The following ATP2A3 variants were observed in gnomAD, a reference collection of about 807,000 sequenced individuals.
The protein encoded by ATP2A3 is sarcoplasmic/endoplasmic reticulum calcium ATPase 3.
ATP2A3 carries 61 observed loss-of-function variants against 106.8 expected under a neutral mutation model. That is an observed-to-expected ratio of 0.57 (90% CI 0.46 to 0.71). The LOEUF (loss-of-function observed/expected upper bound fraction) is 0.71. ATP2A3 is among the 30% of genes least tolerant of loss of function. The pLI is 0.00. For missense variants in ATP2A3, 1,201 were observed against 1,423.5 expected, an observed-to-expected ratio of 0.84 and a Z score of 2.52; for synonymous variants, 611 against 609.3, an observed-to-expected ratio of 1.00 and a Z score of -0.04.
intron 20 of ATP2A3, chr17:3,927,064 T>C (rs2052750025): frequency 1.0e-6 from 1 of 985,460 alleles, no homozygotes; most frequent in Non-Finnish European, 1.2e-6. Flanking sequence ...CACCCAGCCC[T>C]GTTCCACCAG....
intron 7 of ATP2A3, among the ~76,000 whole-genome samples, chr17:3,949,658 T>C (rs1193878036): frequency 6.6e-6 from 1 of 152,240 alleles, no homozygotes; most frequent in Non-Finnish European, 1.5e-5. Context: ...CTTGTTTCTT[T>C]CCTTGCTGGA....
chr17:3,942,601 C>T lies in ATP2A3; in HGVS notation c.1545+5G>A. On this transcript the variant is annotated splice_donor_5th_base_variant and intron_variant, in intron 12 of 20. Coordinates refer to ENST00000397041, the MANE Select transcript of ATP2A3 (RefSeq NM_005173.4). Reference sequence around the variant, plus strand: ...GGGGCCCAGGCCAGCCAGGCAGGCCCCCACCTTCACAAACATCTTGCTGCC... The same window carrying T: ...GGGGCCCAGGCCAGCCAGGCAGGCCTCCACCTTCACAAACATCTTGCTGCC... 2 of 1,609,784 alleles carry T rather than the reference C, an allele frequency of 1.2e-6. No individual in the cohort carries two copies. Among genetic ancestry groups the T allele is most frequent in the Non-Finnish European group, 1.7e-6 (2 of 1,179,680 alleles).
chr17:3,945,485 T>C (rs2054062763), intron 8 of ATP2A3: 1 of 231,014 alleles, frequency 4.3e-6, no homozygotes, highest in South Asian at 1.0e-4. Flanking sequence ...CACTGTGCGA[T>C]CCCTGGCCAA....
chr17:3,944,937 C>CA, intron 9 of ATP2A3, 123 bp downstream of exon 9: 8 of 1,336,032 alleles, frequency 6.0e-6, no homozygotes, highest in Non-Finnish European at 6.9e-6. Context: ...CTCCTGGCCC[C>CA]GCCCCGGGAG....
At chr17:3,951,861 C>T (rs754898422) in intron 3 of ATP2A3, among the ~76,000 whole-genome samples, 176 bp from the exon 4 acceptor site, 79 of 152,338 alleles carry the variant, frequency 5.2e-4, no homozygotes, top group Non-Finnish European at 8.5e-4. Flanking sequence ...GTGCCCACCC[C>T]ACAGGAGTGA....
rs759760922 is a variant in ATP2A3, at chr17:3,930,445, C to A, written c.2611-11G>T. 5 of 1,613,592 alleles carry A rather than the reference C, an allele frequency of 3.1e-6. No homozygotes were observed. Among genetic ancestry groups the A allele is most frequent in the Non-Finnish European group, 4.2e-6 (5 of 1,179,976 alleles). On this transcript the variant is annotated splice_polypyrimidine_tract_variant and intron_variant, in intron 17 of 20. Transcript: ENST00000397041. The surrounding 1 kb of genome is among the most constrained non-coding windows in gnomAD (Gnocchi z 5.4). ...CTTCAGGAAGTTCCTCTGGGGGCAC[C>A]GTGGCAGGTCAGAGAGAGCGGCAGG...
At position 3,951,331 on chromosome 17, in the gene ATP2A3, T is replaced by C. The variant is rs956912843; in HGVS notation, c.383A>G (p.Lys128Arg). 1 of 1,613,812 alleles carries C rather than the reference T, an allele frequency of 6.2e-7. No individual in the cohort carries two copies. Among genetic ancestry groups the C allele is most frequent in the African/African-American group, 1.3e-5 (1 of 75,044 alleles). The change falls in exon 5 of 21, where the codon AAG (lysine) becomes AGG (arginine). Residue 128 changes from lysine to arginine, a missense_variant. Physicochemically the swap from Lys to Arg is conservative, Grantham distance 26. Transcript: ENST00000397041. ...GCCCTTGCGGTCCGAGCGGATCACC[T>C]TGCCCATCTCAGGCTCATACTCCTT... The part of the protein sequence containing the change: ...ALKEYEPEMG[K>R]VIRSDRKGVQ...
intron 17 of ATP2A3, among the ~76,000 whole-genome samples, chr17:3,931,666 C>T (rs538434425): frequency 3.3e-5 from 5 of 152,070 alleles, no homozygotes; most frequent in South Asian, 2.1e-4. Context: ...GGACTACAGG[C>T]GCCCGCCACC....
chr17:3,943,197 G>A (rs574669026), intron 11 of ATP2A3, among the ~76,000 whole-genome samples, 194 bp downstream of exon 11: 5 of 152,066 alleles, frequency 3.3e-5, no homozygotes, highest in South Asian at 2.1e-4. Flanking sequence ...ACTTGAACCC[G>A]GGAGGCAGAG....
At position 3,930,777 on chromosome 17, in the gene ATP2A3, C is replaced by A. The variant is rs961599155; in HGVS notation, c.2611-343G>T. ...GGAAATGCATGTGAAAATCAACCAACAAAACCATGCGGGAGTGGAATTCAC... is the reference window on the plus strand; with the variant it reads ...GGAAATGCATGTGAAAATCAACCAAAAAAACCATGCGGGAGTGGAATTCAC... On this transcript the variant is annotated intron_variant, in intron 17 of 20. Coordinates refer to ENST00000397041, the MANE Select transcript of ATP2A3 (RefSeq NM_005173.4). The surrounding 1 kb of genome is among the most constrained non-coding windows in gnomAD (Gnocchi z 5.4). The A allele has an allele frequency of 7.2e-6, 3 of 414,550 alleles. No individual in the cohort carries two copies. Among genetic ancestry groups the A allele is most frequent in the Non-Finnish European group, 1.4e-5 (3 of 218,258 alleles). The allele number at this position is 414,550 out of a possible 1,614,324, so 25.7% of individuals were successfully genotyped here.
chr17:3,947,483 T>G lies in ATP2A3; in HGVS notation c.1003A>C (p.Ser335Arg), dbSNP rs767488216. 3.7e-6 allele frequency: 6 copies of G among 1,613,712 alleles called. No homozygotes were observed. Among genetic ancestry groups the G allele is most frequent in the African/African-American group, 1.3e-5 (1 of 75,066 alleles). The change falls in exon 8 of 21, where the codon AGC becomes CGC. Residue 335 changes from serine to arginine, a missense_variant. By Grantham distance (110) the Ser-to-Arg change is moderately radical. This residue lies in a region of ATP2A3 where 935 missense variants were observed against 1,176.7 expected (regional missense o/e 0.79). Transcript: ENST00000397041. The surrounding 1 kb of genome is among the most constrained non-coding windows in gnomAD (Gnocchi z 7.7). ...CCCAGGGTCTCCACGGACGGCAGGC[T>G]TCGCACGATGGCGTTCTTGCGTGCC... ...RMARKNAIVR[S>R]LPSVETLGCT...
At chr17:3,958,849 A>ATACACAC (rs2054965787) in intron 1 of ATP2A3, among the ~76,000 whole-genome samples, 1 of 84,238 alleles carries the variant, frequency 1.2e-5, no homozygotes, top group African/African-American at 5.6e-5. Flanking sequence ...CACATATATA[A>ATACACAC]ATATATATAT....
At chr17:3,964,079 GCCC>G in intron 1 of ATP2A3, 92 bp downstream of exon 1, 1 of 676,634 alleles carries the variant, frequency 1.5e-6, no homozygotes, top group East Asian at 8.3e-5. Flanking sequence ...CTCGCTTCCT[GCCC>G]GCCCAGAGCC....
chr17:3,957,132 A>G (rs1311543446), intron 1 of ATP2A3, among the ~76,000 whole-genome samples: 1 of 152,258 alleles, frequency 6.6e-6, no homozygotes, highest in Non-Finnish European at 1.5e-5. Context: ...TAGCAGCAGC[A>G]GCTGGTGGTG....
At position 3,925,445 on chromosome 17, in the gene ATP2A3, GA is replaced by G. The variant is rs1567670863; in HGVS notation, c.2981-5del. ...GCTCACTTCTGGCTCATTTCTTCTGGAAGAAAAACCCAAGAGCGCGTTAAGA... is the reference window on the plus strand; with the variant it reads ...GCTCACTTCTGGCTCATTTCTTCTGGAGAAAAACCCAAGAGCGCGTTAAGA... On this transcript the variant is annotated splice_polypyrimidine_tract_variant and splice_region_variant and intron_variant, in intron 20 of 20. Coordinates refer to ENST00000397041, the MANE Select transcript of ATP2A3 (RefSeq NM_005173.4). This position sits in a 1 kb window ranked among gnomAD's most constrained non-coding sequence, Gnocchi z 4.2. 6.2e-7 allele frequency: 1 copy of G among 1,613,252 alleles called. No homozygotes were observed. Among genetic ancestry groups the G allele is most frequent in the South Asian group, 1.1e-5 (1 of 90,974 alleles).
intron 14 of ATP2A3, among the ~76,000 whole-genome samples, chr17:3,938,977 G>A (rs947942701): frequency 3.9e-5 from 6 of 152,104 alleles, no homozygotes; most frequent in Non-Finnish European, 4.4e-5. Context: ...GACTAGCCTG[G>A]GCAACATAGG....
Position 3,953,491 on chromosome 17 carries a change from G to A in ATP2A3, c.137-62C>T, listed in dbSNP as rs1294764856. On this transcript the variant is annotated intron_variant, in intron 2 of 20. Coordinates refer to ENST00000397041, the MANE Select transcript of ATP2A3 (RefSeq NM_005173.4). The surrounding 1 kb of genome is among the most constrained non-coding windows in gnomAD (Gnocchi z 5.1). ...CCACTGACCCTGCCCACTCAGAGCTGGGATGGCCCGGGAGACCTCCCGGCC... is the reference window on the plus strand; with the variant it reads ...CCACTGACCCTGCCCACTCAGAGCTAGGATGGCCCGGGAGACCTCCCGGCC... 3 of 1,578,316 alleles carry A rather than the reference G, an allele frequency of 1.9e-6. No individual in the cohort carries two copies. The highest frequency in any genetic ancestry group is 2.6e-6 in the Non-Finnish European group (3 of 1,148,774).
chr17:3,934,167 G>A (rs1420724477), intron 17 of ATP2A3, among the ~76,000 whole-genome samples: 6 of 151,814 alleles, frequency 4.0e-5, no homozygotes, highest in Non-Finnish European at 8.8e-5. Flanking sequence ...CAAGTGATCC[G>A]CCCACCTCGG....
At position 3,955,444 on chromosome 17, in the gene ATP2A3, C is replaced by T. The variant is rs1159111380; in HGVS notation, c.119-1734G>A. On this transcript the variant is annotated intron_variant, in intron 1 of 20. Coordinates refer to ENST00000397041, the MANE Select transcript of ATP2A3 (RefSeq NM_005173.4). The surrounding 1 kb of genome is among the most constrained non-coding windows in gnomAD (Gnocchi z 4.2). Reference sequence around the variant, plus strand: ...AGCATTTTCTCCAAAGTCCTATTTTCGGCAGTGGCTGACATTTTCCGTGGA... The same window carrying T: ...AGCATTTTCTCCAAAGTCCTATTTTTGGCAGTGGCTGACATTTTCCGTGGA... Among the ~76,000 whole-genome samples, 2 of 152,198 alleles carry T rather than the reference C, an allele frequency of 1.3e-5. No individual in the cohort carries two copies. Among genetic ancestry groups the T allele is most frequent in the Non-Finnish European group, 2.9e-5 (2 of 68,038 alleles).
Sources: allele counts gnomAD v4.1 joint callset (sites outside exome capture counted in the v4.1 genomes callset), GRCh38; gene constraint gnomAD v4.1.1; regional missense constraint gnomAD v4.1.1; non-coding constraint Gnocchi (gnomAD v3.1); transcripts MANE v1.5; gene names NCBI Gene and HGNC (gene_info 2026-07-23, HGNC 2026-07-21).